The following ATP13A4 variants were observed in gnomAD, a reference collection of about 807,000 sequenced individuals.
The protein encoded by ATP13A4 is probable cation-transporting ATPase 13A4.
In ATP13A4, 114 loss-of-function variants were observed where a neutral mutation model predicts 142.5. The ratio of observed to expected loss-of-function variants is 0.80; its 90% CI spans 0.69 to 0.93. ATP13A4 has a LOEUF of 0.93. Among genes scored for constraint, ATP13A4 ranks in the 40% least tolerant of loss-of-function variants. The pLI is 0.00. For synonymous variants in ATP13A4, 488 were observed against 514.8 expected (o/e 0.95, Z 0.70); for missense variants, 1,392 against 1,454.0 (o/e 0.96, Z 0.69).
chr3:193,449,040 C>G (rs1296028487), intron 17 of ATP13A4, among the ~76,000 whole-genome samples: 3 of 152,138 alleles, frequency 2.0e-5, no homozygotes, highest in Admixed American at 1.3e-4. Context: ...AGTCTATAAT[C>G]AATATTATTT....
Position 193,457,373 on chromosome 3 carries a change from G to T in ATP13A4, c.1761+6C>A, listed in dbSNP as rs570599503. 1.2e-6 allele frequency: 2 copies of T among 1,614,042 alleles called. No homozygotes were observed. Among genetic ancestry groups the T allele is most frequent in the Admixed American group, 3.3e-5 (2 of 60,026 alleles). On this transcript the variant is annotated splice_donor_region_variant and intron_variant, in intron 15 of 29. Transcript: ENST00000342695. ...TGTTGTGGGGTGAAGAGCAAGCAGG[G>T]CTTACCTGGCTGGCTGTTCTGCAGG...
At chr3:193,474,596 A>T (rs1347982203) in intron 8 of ATP13A4, among the ~76,000 whole-genome samples, 1 of 150,028 alleles carries the variant, frequency 6.7e-6, no homozygotes, top group Non-Finnish European at 1.5e-5. Flanking sequence ...AAGGAAAGAA[A>T]GGAAGAAAGG....
At chr3:193,484,058 G>A in intron 7 of ATP13A4, 53 bp from the exon 8 acceptor site, 6 of 1,461,626 alleles carry the variant, frequency 4.1e-6, no homozygotes, top group Admixed American at 1.7e-5. Flanking sequence ...ATAGTTTCTA[G>A]GTATTATTAA....
At chr3:193,540,471 C>A (rs1280618056) in intron 1 of ATP13A4, among the ~76,000 whole-genome samples, 1 of 144,726 alleles carries the variant, frequency 6.9e-6, no homozygotes, top group Non-Finnish European at 1.5e-5. Flanking sequence ...TCAAACTGGC[C>A]TCACAAATGT....
chr3:193,501,852 A>G (rs548901950), intron 3 of ATP13A4, among the ~76,000 whole-genome samples: 1 of 152,326 alleles, frequency 6.6e-6, no homozygotes, highest in South Asian at 2.1e-4. Flanking sequence ...AAGAATTCAA[A>G]TAAGGTCATT....
chr3:193,424,672 T>C (rs1303387889), intron 25 of ATP13A4, among the ~76,000 whole-genome samples: 4 of 149,480 alleles, frequency 2.7e-5, no homozygotes, highest in African/African-American at 9.8e-5. Context: ...GAAAATTAAC[T>C]CAAAGTGGAT....
intron 25 of ATP13A4, among the ~76,000 whole-genome samples, chr3:193,421,697 G>A (rs1289384986): frequency 6.7e-6 from 1 of 149,810 alleles, no homozygotes; most frequent in Non-Finnish European, 1.5e-5. Context: ...ATTTGTATGT[G>A]ACTGAGGTTA....
At chr3:193,568,369 C>T (rs931218803) in intron 2 of ATP13A4, among the ~76,000 whole-genome samples, 12 of 152,160 alleles carry the variant, frequency 7.9e-5, no homozygotes, top group African/African-American at 2.7e-4. Flanking sequence ...AATGCAAAAG[C>T]TTTCATCTAA....
intron 17 of ATP13A4, among the ~76,000 whole-genome samples, chr3:193,451,720 T>G (rs149142502): frequency 6.6e-6 from 1 of 152,158 alleles, no homozygotes; most frequent in Non-Finnish European, 1.5e-5. Flanking sequence ...TTTTAAAGGA[T>G]GAAATATGCA....
At chr3:193,543,822 G>T (rs1026463050) in intron 1 of ATP13A4, among the ~76,000 whole-genome samples, 1 of 152,182 alleles carries the variant, frequency 6.6e-6, no homozygotes, top group African/African-American at 2.4e-5. Flanking sequence ...TTTACCTTTT[G>T]CATCTCATGA....
In ATP13A4 at chr3:193,457,478, T is replaced by C. The variant is rs1267984755; in HGVS notation, c.1675-13A>G. 1.2e-6 allele frequency: 2 copies of C among 1,607,860 alleles called. No individual in the cohort carries two copies. Among genetic ancestry groups the C allele is most frequent in the East Asian group, 2.2e-5 (1 of 44,836 alleles). ...AAAAAGCCATTTCCTATTTCACAAATAGGATATTTCATTGCAGAGATTTAT... is the reference window on the plus strand; with the variant it reads ...AAAAAGCCATTTCCTATTTCACAAACAGGATATTTCATTGCAGAGATTTAT... On this transcript the variant is annotated splice_polypyrimidine_tract_variant and intron_variant, in intron 14 of 29. Transcript: ENST00000342695.
At chr3:193,573,287 ATAC>A (rs1577086032) in intron 2 of ATP13A4, among the ~76,000 whole-genome samples, 5 of 81,468 alleles carry the variant, frequency 6.1e-5, no homozygotes, top group African/African-American at 2.6e-4. Flanking sequence ...ATATATATAT[ATAC>A]ACATATATAT....
chr3:193,470,634 T>G (rs1482160892), intron 9 of ATP13A4, among the ~76,000 whole-genome samples: 1 of 152,144 alleles, frequency 6.6e-6, no homozygotes. Context: ...ACTCAAAAAC[T>G]TATTATTGTA....
At chr3:193,585,728 A>AT (rs1331962659) in intron 1 of ATP13A4, among the ~76,000 whole-genome samples, 1 of 151,778 alleles carries the variant, frequency 6.6e-6, no homozygotes, top group Non-Finnish European at 1.5e-5. Context: ...ATTTCCTTTC[A>AT]TTTTCTCACT....
intron 12 of ATP13A4, among the ~76,000 whole-genome samples, chr3:193,464,113 A>T (rs566080018): frequency 9.8e-5 from 15 of 152,370 alleles, no homozygotes; most frequent in African/African-American, 3.6e-4. Context: ...TTAAAGAAAG[A>T]AGTCAACAAC....
intron 17 of ATP13A4, among the ~76,000 whole-genome samples, chr3:193,452,179 C>T (rs1167194028): frequency 6.6e-6 from 1 of 152,136 alleles, no homozygotes; most frequent in East Asian, 1.9e-4. Flanking sequence ...GCATGGTAGC[C>T]AGACTCTTAC....
In ATP13A4 at chr3:193,400,447, C is replaced by T. The variant is rs996461300; in HGVS notation, c.*2205G>A. ...GTTTTGTTTTGTTTTTAATACACCT[C>T]TAGCCCAGGCCTGGCAGGATGCCTG... On this transcript the variant is annotated 3_prime_UTR_variant, in exon 30 of 30. Transcript: ENST00000342695. Among the ~76,000 whole-genome samples, 1 of 152,220 alleles carries T rather than the reference C, an allele frequency of 6.6e-6. No individual in the cohort carries two copies. Among genetic ancestry groups the T allele is most frequent in the Admixed American group, 6.5e-5 (1 of 15,278 alleles).
At chr3:193,550,147 T>A (rs963074379) in intron 1 of ATP13A4, among the ~76,000 whole-genome samples, 2 of 152,198 alleles carry the variant, frequency 1.3e-5, no homozygotes, top group African/African-American at 4.8e-5. Context: ...CAATGTGATG[T>A]CACTGAATTA....
intron 1 of ATP13A4, among the ~76,000 whole-genome samples, chr3:193,526,064 C>T (rs1190277950): frequency 6.6e-6 from 1 of 152,092 alleles, no homozygotes; most frequent in African/African-American, 2.4e-5. Flanking sequence ...ATGCATACTG[C>T]TTGCTAGGCC....
Sources: gnomAD v4.1 joint callset for allele counts (sites outside exome capture counted in the v4.1 genomes callset) on GRCh38, gnomAD v4.1.1 for gene constraint, MANE v1.5 for transcripts, NCBI Gene and HGNC (gene_info 2026-07-23, HGNC 2026-07-21) for gene names.